Variants in SVOPL observed in about 807,000 individuals in gnomAD.
SVOPL encodes SVOP like.
In SVOPL, 60 loss-of-function variants were observed where a neutral mutation model predicts 61.0. The observed-to-expected ratio is 0.98, with a 90% confidence interval of 0.80 to 1.22. SVOPL has a LOEUF of 1.22. Among genes scored for constraint, SVOPL ranks in the 50% most tolerant of loss-of-function variants. The pLI is 0.00. For synonymous variants in SVOPL, 279 were observed against 250.0 expected, an observed-to-expected ratio of 1.12 and a Z score of -1.09; for missense variants, 662 against 643.9, an observed-to-expected ratio of 1.03 and a Z score of -0.30.
intron 9 of SVOPL, among the ~76,000 whole-genome samples, chr7:138,639,736 C>T (rs1673171): frequency 6.6e-6 from 1 of 151,494 alleles, no homozygotes. Flanking sequence ...CCCTGTTGTC[C>T]GGGCTACTAA....
chr7:138,624,461 G>A (rs1390334253), intron 13 of SVOPL, among the ~76,000 whole-genome samples: 1 of 152,122 alleles, frequency 6.6e-6, no homozygotes. Context: ...ATATGCTTGA[G>A]TTCAAATCAT....
intron 4 of SVOPL, among the ~76,000 whole-genome samples, chr7:138,671,810 ATC>A (rs1563132814): frequency 6.6e-6 from 1 of 152,248 alleles, no homozygotes. Context: ...TCTGAATTGC[ATC>A]TCTCATGTGG....
intron 3 of SVOPL, among the ~76,000 whole-genome samples, 188 bp from the exon 4 acceptor site, chr7:138,672,305 G>T (rs570196571): frequency 1.3e-5 from 2 of 152,208 alleles, no homozygotes; most frequent in Non-Finnish European, 2.9e-5. Context: ...CTTTGTGGAT[G>T]TGACTTTCAT....
intron 14 of SVOPL, among the ~76,000 whole-genome samples, chr7:138,615,560 CAAAAAAAAAAAAAAAAA>C (rs770404185): frequency 1.8e-4 from 1 of 5,526 alleles, no homozygotes; most frequent in African/African-American, 3.3e-4. Context: ...ACTCCGTCTC[CAAAAAAAAAAAAAAAAA>C]AAAAAAAAAA....
rs1046805690 is a variant in SVOPL, at chr7:138,663,667, A to C, written c.274-522T>G. The C allele has an allele frequency of 1.3e-5, 12 of 919,888 alleles. No individual in the cohort carries two copies. The African/African-American group carries it at 1.8e-4, about 14-fold the overall frequency. The allele number at this position is 919,888 out of a possible 1,614,324, so 57.0% of individuals were successfully genotyped here. A position where few individuals can be genotyped will look rare whatever the true frequency, so the allele number is the denominator to read the frequency against. ...TCTCACAATGGCCTGTCCTCCCCTG[A>C]TAAAATTCAAGGACCTGGGATTTGA... On this transcript the variant is annotated intron_variant, in intron 4 of 15. Coordinates refer to ENST00000674285, the MANE Select transcript of SVOPL (RefSeq NM_001139456.2).
intron 9 of SVOPL, among the ~76,000 whole-genome samples, chr7:138,641,636 A>C (rs1348998504): frequency 7.3e-6 from 1 of 136,616 alleles, no homozygotes; most frequent in Admixed American, 8.6e-5. Context: ...ATGCCACTAC[A>C]CTCCAGCCTG....
chr7:138,693,173 A>G (rs1033812836), intron 1 of SVOPL, among the ~76,000 whole-genome samples: 2 of 152,174 alleles, frequency 1.3e-5, no homozygotes, highest in Admixed American at 1.3e-4. Context: ...TGTTTTAATC[A>G]TAAAAGTAAT....
chr7:138,641,838 T>TATATATATATAAC (rs1563112260), intron 9 of SVOPL, among the ~76,000 whole-genome samples: 54 of 132,968 alleles, frequency 4.1e-4, no homozygotes, highest in Admixed American at 1.3e-3. Flanking sequence ...ATATATAACA[T>TATATATATATAAC]ATATATATAA....
chr7:138,622,178 CTATG>C (rs1799668537), intron 13 of SVOPL, among the ~76,000 whole-genome samples: 2 of 55,710 alleles, frequency 3.6e-5, no homozygotes, highest in African/African-American at 8.1e-5. Context: ...ATCTATCTGT[CTATG>C]TATCTATCTA....
At chr7:138,661,683 C>G in intron 5 of SVOPL, 1 of 911,698 alleles carries the variant, frequency 1.1e-6, no homozygotes, top group Non-Finnish European at 1.3e-6. Flanking sequence ...CTTATTTTAA[C>G]GAACCAATGT....
rs189973344 is a variant in SVOPL at position 138,683,824 on chromosome 7, C to T, written c.-34-4745G>A. On this transcript the variant is annotated intron_variant, in intron 1 of 15. Coordinates refer to ENST00000674285, the MANE Select transcript of SVOPL (RefSeq NM_001139456.2). The stretch of plus-strand genomic sequence containing the variant: ...ATCCCAGCGTTTTGTGAGGCTGAGG[C>T]GGGCAGATCACAAGATCAGGAGTTC... 3.3e-4 allele frequency among the ~76,000 whole-genome samples: 50 copies of T among 151,612 alleles called. No individual in the cohort carries two copies. In the East Asian group the frequency reaches 9.6e-3, roughly 29 times the overall value.
At chr7:138,601,826 C>T (rs1798537377) in intron 14 of SVOPL, among the ~76,000 whole-genome samples, 1 of 152,122 alleles carries the variant, frequency 6.6e-6, no homozygotes, top group Admixed American at 6.6e-5. Flanking sequence ...CCTTACTTCC[C>T]ACGTGTCTCT....
At chr7:138,625,884 G>A (rs1673162) in intron 13 of SVOPL, 85 bp downstream of exon 13, 797,203 of 1,294,014 alleles carry the variant, frequency 0.62, 253,766 homozygotes, top group East Asian at 1. Flanking sequence ...GTCAACAGAA[G>A]CCAGGCATGC....
intron 9 of SVOPL, among the ~76,000 whole-genome samples, chr7:138,639,493 G>A (rs1338406528): frequency 6.6e-6 from 1 of 151,906 alleles, no homozygotes; most frequent in Non-Finnish European, 1.5e-5. Context: ...TGGGCGTGGT[G>A]GCGGGTGCCT....
At chr7:138,649,791 T>C (rs1305477182) in intron 7 of SVOPL, among the ~76,000 whole-genome samples, 1 of 152,110 alleles carries the variant, frequency 6.6e-6, no homozygotes, top group Non-Finnish European at 1.5e-5. Flanking sequence ...GTCAGTGATA[T>C]AGCATTGAAT....
intron 14 of SVOPL, among the ~76,000 whole-genome samples, chr7:138,597,635 C>T (rs903778836): frequency 6.2e-5 from 7 of 112,040 alleles, no homozygotes; most frequent in East Asian, 4.1e-4. Context: ...GTTTGTATAA[C>T]GTCTGCGTGT....
At chr7:138,608,209 T>C (rs1449833633) in intron 14 of SVOPL, among the ~76,000 whole-genome samples, 3 of 152,222 alleles carry the variant, frequency 2.0e-5, no homozygotes, top group East Asian at 1.9e-4. Flanking sequence ...AGCTGTTACA[T>C]TGAACACATT....
intron 11 of SVOPL, 87 bp from the exon 12 acceptor site, chr7:138,627,548 T>G: frequency 9.9e-7 from 1 of 1,006,358 alleles, no homozygotes; most frequent in Non-Finnish European, 1.5e-6. Context: ...TCCTTGTCGT[T>G]TCAGAAAGAA....
chr7:138,622,150 G>GTATCTATC (rs1228398717), intron 13 of SVOPL, among the ~76,000 whole-genome samples: 1 of 24,358 alleles, frequency 4.1e-5, no homozygotes, highest in Admixed American at 4.5e-4. Context: ...ATCTATCTAT[G>GTATCTATC]TATCTATCTG....
Sources: allele counts gnomAD v4.1 joint callset (sites outside exome capture counted in the v4.1 genomes callset), GRCh38; gene constraint gnomAD v4.1.1; transcripts MANE v1.5; gene names NCBI Gene and HGNC (gene_info 2026-07-23, HGNC 2026-07-21).